Variants in ERC1 observed in about 807,000 individuals in gnomAD.
ERC1 encodes the protein ELKS/RAB6-interacting/CAST family member 1.
In ERC1, 56 loss-of-function variants were observed where a neutral mutation model predicts 132.0. The observed-to-expected ratio is 0.42, with a 90% CI of 0.34 to 0.53. ERC1 has a LOEUF of 0.53. Ranked by LOEUF, ERC1 falls within the 20% of genes least tolerant of loss-of-function variation. The pLI, the probability that ERC1 is intolerant of heterozygous loss-of-function variation, is 0.03. For synonymous variants in ERC1, 478 were observed against 476.1 expected (o/e 1.00, Z -0.05); for missense variants, 1,202 against 1,349.9 (o/e 0.89, Z 1.72).
At chr12:1,448,651 A>C (rs1166690415) in intron 18 of ERC1, among the ~76,000 whole-genome samples, 1 of 152,202 alleles carries the variant, frequency 6.6e-6, no homozygotes, top group Non-Finnish European at 1.5e-5. Flanking sequence ...TTTTCACCTC[A>C]TATCTCCAAT....
chr12:1,203,756 A>G (rs1012175851), intron 12 of ERC1, among the ~76,000 whole-genome samples: 2 of 152,242 alleles, frequency 1.3e-5, no homozygotes. Flanking sequence ...GTTGTAAAAG[A>G]CAGTAATGAA....
At chr12:1,284,597 A>G (rs766799809) in intron 14 of ERC1, among the ~76,000 whole-genome samples, 2 of 152,074 alleles carry the variant, frequency 1.3e-5, no homozygotes, top group Non-Finnish European at 2.9e-5. Flanking sequence ...CCTTGCCAGC[A>G]TTTGTTATTT....
At chr12:1,305,737 G>C (rs1284353267) in intron 15 of ERC1, among the ~76,000 whole-genome samples, 1 of 151,994 alleles carries the variant, frequency 6.6e-6, no homozygotes, top group Non-Finnish European at 1.5e-5. Flanking sequence ...AGTCTGTTAG[G>C]ATTTTTTTCT....
intron 15 of ERC1, among the ~76,000 whole-genome samples, chr12:1,312,494 G>A (rs776518970): frequency 7.9e-5 from 12 of 152,108 alleles, no homozygotes; most frequent in Non-Finnish European, 1.6e-4. Context: ...GAGTAGTTGG[G>A]ATTATAGGTG....
At chr12:1,001,853 C>CT (rs869097939) in intron 1 of ERC1, among the ~76,000 whole-genome samples, 8,167 of 109,124 alleles carry the variant, frequency 0.075, 963 homozygotes, top group African/African-American at 0.22. Context: ...CTTGTAAAGT[C>CT]TTTTTTTTTT....
At chr12:1,016,898 G>C (rs927172111) in intron 1 of ERC1, among the ~76,000 whole-genome samples, 1 of 152,060 alleles carries the variant, frequency 6.6e-6, no homozygotes, top group African/African-American at 2.4e-5. Context: ...TGATCTGCCT[G>C]CCTTGGCCTC....
At chr12:1,076,146 A>C (rs1941300027) in intron 2 of ERC1, among the ~76,000 whole-genome samples, 2 of 152,140 alleles carry the variant, frequency 1.3e-5, no homozygotes, top group Admixed American at 1.3e-4. Context: ...TGTTTTACCC[A>C]TTTGTGAGCT....
At chr12:1,105,459 G>A (rs183510837) in intron 4 of ERC1, among the ~76,000 whole-genome samples, 11 of 152,156 alleles carry the variant, frequency 7.2e-5, no homozygotes, top group Admixed American at 4.6e-4. Flanking sequence ...CCGGGTTCAC[G>A]CCATTCTCCT....
At chr12:1,437,220 C>T (rs1288208138) in intron 17 of ERC1, among the ~76,000 whole-genome samples, 1 of 152,156 alleles carries the variant, frequency 6.6e-6, no homozygotes, top group African/African-American at 2.4e-5. Flanking sequence ...CATCGACTTT[C>T]AGCAGCCATC....
intron 17 of ERC1, among the ~76,000 whole-genome samples, chr12:1,415,140 A>G (rs2092051819): frequency 6.6e-6 from 1 of 152,208 alleles, no homozygotes; most frequent in African/African-American, 2.4e-5. Context: ...TTTTTCATTT[A>G]CCAACTGAAA....
At chr12:1,427,952 A>C (rs2092688101) in intron 17 of ERC1, among the ~76,000 whole-genome samples, 1 of 152,142 alleles carries the variant, frequency 6.6e-6, no homozygotes, top group Admixed American at 6.6e-5. Context: ...ATAGTGTTTC[A>C]CAGGTAGATC....
chr12:1,363,342 A>C (rs1388871233), intron 15 of ERC1, among the ~76,000 whole-genome samples: 1 of 152,150 alleles, frequency 6.6e-6, no homozygotes, highest in Non-Finnish European at 1.5e-5. Flanking sequence ...CTCATTTTTC[A>C]GAAAAGGTGA....
intron 16 of ERC1, among the ~76,000 whole-genome samples, chr12:1,384,298 A>G (rs2089058809): frequency 2.0e-5 from 3 of 152,248 alleles, no homozygotes; most frequent in Non-Finnish European, 2.9e-5. Context: ...TTTAACAATT[A>G]CCTTATAAAT....
intron 16 of ERC1, among the ~76,000 whole-genome samples, chr12:1,390,338 A>T (rs2089838079): frequency 6.6e-6 from 1 of 152,164 alleles, no homozygotes. Flanking sequence ...CAGTGACATA[A>T]ATTAAAATTT....
chr12:1,484,646 C>T (rs375092317), intron 18 of ERC1, among the ~76,000 whole-genome samples: 13 of 148,904 alleles, frequency 8.7e-5, no homozygotes, highest in East Asian at 8.0e-4. Flanking sequence ...GGCGTGATCT[C>T]GGCTCACTGT....
Position 1,105,595 on chromosome 12 carries a change from T to G in ERC1, c.1161+771T>G, listed in dbSNP as rs533744688. Among the ~76,000 whole-genome samples the G allele has an allele frequency of 3.4e-3, 520 of 152,090 alleles. 4 individuals are homozygous for G. The highest frequency in any genetic ancestry group is 0.012 in the African/African-American group (483 of 41,492). On this transcript the variant is annotated intron_variant, in intron 4 of 18. Coordinates refer to ENST00000360905, the MANE Select transcript of ERC1 (RefSeq NM_178040.4). Reference sequence around the variant, plus strand: ...GATGGTCTCCATCTCCTGACCTCGTTATCCGCCCGCCTCGGCCTCCCAAAG... The same window carrying G: ...GATGGTCTCCATCTCCTGACCTCGTGATCCGCCCGCCTCGGCCTCCCAAAG...
chr12:1,406,635 T>C (rs750766875), intron 16 of ERC1, among the ~76,000 whole-genome samples: 1 of 152,214 alleles, frequency 6.6e-6, no homozygotes, highest in Non-Finnish European at 1.5e-5. Flanking sequence ...GTTTGTACTT[T>C]ATTTTTTAAA....
chr12:1,286,492 G>T (rs1209371970), intron 14 of ERC1, among the ~76,000 whole-genome samples: 2 of 151,956 alleles, frequency 1.3e-5, no homozygotes, highest in African/African-American at 4.8e-5. Flanking sequence ...TACACTACTT[G>T]TAGATAAAAC....
intron 3 of ERC1, among the ~76,000 whole-genome samples, chr12:1,098,322 T>C (rs1260841661): frequency 6.6e-6 from 1 of 152,194 alleles, no homozygotes; most frequent in African/African-American, 2.4e-5. Context: ...ATTGAAAGAT[T>C]TAAAGCAGAT....
Sources: gnomAD v4.1 joint callset for allele counts (sites outside exome capture counted in the v4.1 genomes callset) on GRCh38, gnomAD v4.1.1 for gene constraint, MANE v1.5 for transcripts, NCBI Gene and HGNC (gene_info 2026-07-23, HGNC 2026-07-21) for gene names.